PPFIBP1: variants seen among roughly 807,000 people sequenced by gnomAD.
The protein encoded by PPFIBP1 is PPFIB scaffold protein 1.
Under a neutral mutation model 137.8 loss-of-function variants are expected in PPFIBP1, and 112 were observed. That is an observed-to-expected ratio of 0.81 (90% CI 0.70 to 0.95). The LOEUF is 0.95. Ranked by LOEUF, PPFIBP1 falls within the 40% of genes least tolerant of loss-of-function variation. PPFIBP1 has a pLI of 0.00. For synonymous variants in PPFIBP1, 378 were observed against 417.3 expected (o/e 0.91, Z 1.15); for missense variants, 1,083 against 1,196.6 (o/e 0.91, Z 1.40).
At position 27,548,532 on chromosome 12, in the gene PPFIBP1, G is replaced by C. The variant is rs184886330; in HGVS notation, c.-124+24167G>C. 10 of 152,282 alleles carry C rather than the reference G, an allele frequency of 6.6e-5. No homozygotes were observed. The East Asian group carries it at 1.9e-3, about 29-fold the overall frequency. 9.4% of individuals were successfully genotyped at this position (152,282 alleles called of 1,614,324 possible). A position where few individuals can be genotyped will look rare whatever the true frequency, so the allele number is the denominator to read the frequency against. The stretch of plus-strand genomic sequence containing the variant: ...TGCACTGAACAAATGTCTAAAACTG[G>C]CATGGTTTGTTGTATAAGTGGGATG... On this transcript the variant is annotated intron_variant, in intron 1 of 29. Transcript: ENST00000228425.
chr12:27,640,830 T>C (rs2058066155), intron 4 of PPFIBP1, among the ~76,000 whole-genome samples: 1 of 152,188 alleles, frequency 6.6e-6, no homozygotes, highest in Admixed American at 6.5e-5. Flanking sequence ...TCTCTCCTCA[T>C]AGTTCAGAGT....
At chr12:27,586,553 C>A (rs1244364909) in intron 2 of PPFIBP1, among the ~76,000 whole-genome samples, 1 of 152,116 alleles carries the variant, frequency 6.6e-6, no homozygotes, top group East Asian at 1.9e-4. Context: ...TTAGAGTTAG[C>A]CTGTGTGGTT....
At chr12:27,667,769 A>ATGTC (rs1436035578) in intron 13 of PPFIBP1, among the ~76,000 whole-genome samples, 1 of 152,178 alleles carries the variant, frequency 6.6e-6, no homozygotes, top group Non-Finnish European at 1.5e-5. Context: ...TCTGAAGGCT[A>ATGTC]ACTCACTCAT....
At chr12:27,683,719 G>T (rs189327666) in intron 24 of PPFIBP1, among the ~76,000 whole-genome samples, 10 of 151,972 alleles carry the variant, frequency 6.6e-5, no homozygotes, top group Admixed American at 5.9e-4. Flanking sequence ...CTTTGTTTTA[G>T]GTTCCATACC....
chr12:27,686,850 G>A (rs1219311915), intron 24 of PPFIBP1, among the ~76,000 whole-genome samples: 6 of 151,380 alleles, frequency 4.0e-5, no homozygotes, highest in African/African-American at 1.2e-4. Context: ...AGCCTGGGCA[G>A]TATAGTGAGA....
chr12:27,576,023 T>A (rs1166646018), intron 1 of PPFIBP1, among the ~76,000 whole-genome samples: 10 of 152,172 alleles, frequency 6.6e-5, no homozygotes, highest in Admixed American at 2.0e-4. Flanking sequence ...TTAGGCCAAA[T>A]AATCAGAGCT....
At chr12:27,661,187 C>G (rs2059523410) in intron 11 of PPFIBP1, among the ~76,000 whole-genome samples, 2 of 152,170 alleles carry the variant, frequency 1.3e-5, no homozygotes, top group South Asian at 4.1e-4. Flanking sequence ...CTGATCAGTT[C>G]CGCATATTCA....
chr12:27,674,398 T>C lies in PPFIBP1; in HGVS notation c.1410+177T>C, dbSNP rs184022383. ...GTTTATGTGAAACATCCAGAACAGATAAATCTATAGAAATAGAATGCAGAT... is the reference window on the plus strand; with the variant it reads ...GTTTATGTGAAACATCCAGAACAGACAAATCTATAGAAATAGAATGCAGAT... On this transcript the variant is annotated intron_variant, in intron 17 of 29. Coordinates refer to ENST00000228425, the MANE Select transcript of PPFIBP1 (RefSeq NM_003622.4). Among the ~76,000 whole-genome samples, 10 of 149,152 alleles carry C rather than the reference T, an allele frequency of 6.7e-5. No homozygotes were observed. In the East Asian group the frequency reaches 2.0e-3, roughly 30 times the overall value.
intron 2 of PPFIBP1, among the ~76,000 whole-genome samples, chr12:27,588,808 A>G (rs1347734794): frequency 6.6e-6 from 1 of 152,236 alleles, no homozygotes; most frequent in East Asian, 1.9e-4. Context: ...TTCCTTATAA[A>G]GCATATTATA....
At chr12:27,591,649 C>A (rs2052531268) in intron 2 of PPFIBP1, among the ~76,000 whole-genome samples, 1 of 152,102 alleles carries the variant, frequency 6.6e-6, no homozygotes, top group Admixed American at 6.5e-5. Context: ...TTATCAAGTG[C>A]TTGTGTTACC....
intron 2 of PPFIBP1, among the ~76,000 whole-genome samples, chr12:27,594,988 A>C (rs970541959): frequency 1.2e-4 from 18 of 152,346 alleles, no homozygotes; most frequent in Admixed American, 9.8e-4. Flanking sequence ...TTATTGTTTT[A>C]CTAAATAAAT....
chr12:27,603,268 A>G (rs1470805067), intron 2 of PPFIBP1, among the ~76,000 whole-genome samples: 1 of 152,200 alleles, frequency 6.6e-6, no homozygotes, highest in African/African-American at 2.4e-5. Context: ...GCTTTGCTGC[A>G]TCTATAAAAT....
chr12:27,570,716 C>G (rs75524974), intron 1 of PPFIBP1, among the ~76,000 whole-genome samples: 1 of 151,854 alleles, frequency 6.6e-6, no homozygotes, highest in Non-Finnish European at 1.5e-5. Context: ...CGAGACCATC[C>G]TGGCTAACAC....
intron 1 of PPFIBP1, among the ~76,000 whole-genome samples, chr12:27,570,240 A>T (rs978609790): frequency 6.6e-6 from 1 of 152,186 alleles, no homozygotes; most frequent in Non-Finnish European, 1.5e-5. Flanking sequence ...GTTGTATTTT[A>T]CATACTATAT....
intron 1 of PPFIBP1, among the ~76,000 whole-genome samples, chr12:27,534,234 G>A (rs1415211406): frequency 1.3e-5 from 2 of 152,134 alleles, no homozygotes; most frequent in East Asian, 3.9e-4. Flanking sequence ...GGTTAGCCTC[G>A]AAATCCATAA....
chr12:27,611,392 A>G (rs2055092353), intron 2 of PPFIBP1, among the ~76,000 whole-genome samples: 1 of 152,138 alleles, frequency 6.6e-6, no homozygotes, highest in Non-Finnish European at 1.5e-5. Flanking sequence ...TTTTGGGCAC[A>G]TATTTCTGTG....
chr12:27,602,335 A>G (rs2054086542), intron 2 of PPFIBP1, among the ~76,000 whole-genome samples: 1 of 152,202 alleles, frequency 6.6e-6, no homozygotes, highest in Admixed American at 6.5e-5. Context: ...GTACAGTGTG[A>G]TGATTTCATG....
intron 3 of PPFIBP1, 32 bp from the exon 4 acceptor site, chr12:27,634,878 C>G: frequency 6.3e-7 from 1 of 1,579,088 alleles, no homozygotes; most frequent in African/African-American, 1.3e-5. Context: ...ACATAAATCC[C>G]ATTGCTCTCT....
chr12:27,687,552 A>G (rs780963643), intron 25 of PPFIBP1, 45 bp downstream of exon 25: 1 of 1,602,884 alleles, frequency 6.2e-7, no homozygotes, highest in Non-Finnish European at 8.5e-7. Context: ...CTTCCCAGGC[A>G]TGGGACTGTC....
Sources: gnomAD v4.1 joint callset for allele counts (sites outside exome capture counted in the v4.1 genomes callset) on GRCh38, gnomAD v4.1.1 for gene constraint, MANE v1.5 for transcripts, NCBI Gene and HGNC (gene_info 2026-07-23, HGNC 2026-07-21) for gene names.